Variants in CREB1 observed in about 807,000 individuals in gnomAD.
CREB1 encodes cyclic AMP-responsive element-binding protein 1.
CREB1 carries 2 observed loss-of-function variants against 42.0 expected under a neutral mutation model. That is an observed-to-expected ratio of 0.05 (90% CI 0.02 to 0.15). CREB1 has a LOEUF of 0.15. Ranked by LOEUF, CREB1 falls within the 10% of genes least tolerant of loss-of-function variation. The pLI, the probability that CREB1 is intolerant of heterozygous loss-of-function variation, is 1.00. For synonymous variants in CREB1, 123 were observed against 139.9 expected (o/e 0.88, Z 0.85); for missense variants, 199 against 388.9 (o/e 0.51, Z 4.11).
rs2087820182 is a variant in CREB1, at chr2:207,604,858, T to C, written c.*7800T>C. 6.6e-6 allele frequency among the ~76,000 whole-genome samples: 1 copy of C among 152,244 alleles called. No individual in the cohort carries two copies. The highest frequency in any genetic ancestry group is 1.5e-5 in the Non-Finnish European group (1 of 68,038). On this transcript the variant is annotated 3_prime_UTR_variant, in exon 8 of 8. Coordinates refer to ENST00000353267, the MANE Select transcript of CREB1 (RefSeq NM_004379.5). ...GTGTATTACTTCTTTCGTCTAGCTT[T>C]AATGTGTTGTTGAGGTTGATCCATT...
chr2:207,563,835 T>G (rs2082041735), intron 3 of CREB1, among the ~76,000 whole-genome samples: 1 of 152,032 alleles, frequency 6.6e-6, no homozygotes, highest in African/African-American at 2.4e-5. Context: ...TCCCAGCTAC[T>G]CGGGAGGCTA....
intron 1 of CREB1, among the ~76,000 whole-genome samples, chr2:207,546,384 A>G (rs2081302419): frequency 6.6e-6 from 1 of 152,184 alleles, no homozygotes; most frequent in South Asian, 2.1e-4. Context: ...TTACGCATTT[A>G]TCTGTAGAAT....
intron 7 of CREB1, among the ~76,000 whole-genome samples, chr2:207,590,208 A>C (rs2106636644): frequency 6.7e-6 from 1 of 149,870 alleles, no homozygotes; most frequent in Middle Eastern, 3.5e-3. Flanking sequence ...CAAATTCATG[A>C]CCATAGAGTT....
intron 4 of CREB1, 73 bp from the exon 5 acceptor site, chr2:207,570,106 C>A (rs2082302123): frequency 3.1e-6 from 3 of 957,232 alleles, no homozygotes; most frequent in South Asian, 1.8e-5. Flanking sequence ...GTTTTCTCAT[C>A]TTTAACTATA....
chr2:207,553,666 A>G (rs1008838344), intron 1 of CREB1, among the ~76,000 whole-genome samples: 5 of 152,170 alleles, frequency 3.3e-5, no homozygotes, highest in Non-Finnish European at 5.9e-5. Context: ...TTGGCTTATT[A>G]AAGTGTTATA....
At chr2:207,578,247 A>G (rs987027677) in intron 7 of CREB1, among the ~76,000 whole-genome samples, 4 of 152,214 alleles carry the variant, frequency 2.6e-5, no homozygotes, top group African/African-American at 7.2e-5. Flanking sequence ...TGGTAAAGCA[A>G]TTCTCAGAAA....
At chr2:207,548,884 A>G (rs1170826502) in intron 1 of CREB1, among the ~76,000 whole-genome samples, 1 of 152,224 alleles carries the variant, frequency 6.6e-6, no homozygotes, top group Non-Finnish European at 1.5e-5. Flanking sequence ...CAAATTTTCA[A>G]GCTTGCTTTT....
chr2:207,583,350 TC>T (rs1165862671), intron 7 of CREB1, among the ~76,000 whole-genome samples: 7 of 152,188 alleles, frequency 4.6e-5, no homozygotes, highest in Non-Finnish European at 5.9e-5. Context: ...ATTTTAGACT[TC>T]TCTTTGCCTG....
intron 1 of CREB1, among the ~76,000 whole-genome samples, chr2:207,553,062 C>CTTTT (rs10561230): frequency 3.2e-5 from 2 of 63,208 alleles, no homozygotes; most frequent in African/African-American, 1.2e-4. Context: ...TACAGGTAGA[C>CTTTT]TTTTTTTTTT....
At chr2:207,592,695 C>T (rs898179110) in intron 7 of CREB1, among the ~76,000 whole-genome samples, 2 of 151,758 alleles carry the variant, frequency 1.3e-5, no homozygotes, top group Admixed American at 6.6e-5. Flanking sequence ...CCAAGGCAGG[C>T]GGATCACGAG....
Position 207,532,634 on chromosome 2 carries a change from C to G in CREB1, c.-9+2500C>G, listed in dbSNP as rs933970306. ...ATTGCAGTGAGCCGAGATCGCGCCA[C>G]TGCCCTCCAGCCTGGTGACAGCGAG... On this transcript the variant is annotated intron_variant, in intron 1 of 7. Coordinates refer to ENST00000353267, the MANE Select transcript of CREB1 (RefSeq NM_004379.5). Among the ~76,000 whole-genome samples the G allele has an allele frequency of 1.1e-4, 16 of 151,744 alleles. No individual in the cohort carries two copies. In the South Asian group the frequency reaches 3.3e-3, roughly 32 times the overall value.
intron 1 of CREB1, among the ~76,000 whole-genome samples, chr2:207,551,540 A>T (rs1392962273): frequency 6.6e-6 from 1 of 152,184 alleles, no homozygotes; most frequent in Non-Finnish European, 1.5e-5. Flanking sequence ...CTCAGGTTGT[A>T]TTACAGTCTC....
At chr2:207,558,701 A>G (rs577070829) in intron 2 of CREB1, among the ~76,000 whole-genome samples, 5 of 150,328 alleles carry the variant, frequency 3.3e-5, no homozygotes, top group Admixed American at 6.6e-5. Flanking sequence ...CTGGAGTGCA[A>G]TGGCGCGATC....
chr2:207,574,119 ACTT>A (rs768224390), intron 5 of CREB1, among the ~76,000 whole-genome samples: 12 of 152,212 alleles, frequency 7.9e-5, no homozygotes, highest in Non-Finnish European at 1.3e-4. Flanking sequence ...AACTCTTCTT[ACTT>A]CTTGATGAGG....
intron 2 of CREB1, among the ~76,000 whole-genome samples, chr2:207,558,387 A>G (rs2081817595): frequency 1.3e-5 from 2 of 152,158 alleles, no homozygotes; most frequent in African/African-American, 4.8e-5. Flanking sequence ...ACAGTCTGCC[A>G]ATTCTCTTTC....
intron 7 of CREB1, among the ~76,000 whole-genome samples, chr2:207,596,412 CTTGT>C (rs1364575482): frequency 2.6e-5 from 4 of 152,094 alleles, no homozygotes; most frequent in African/African-American, 4.8e-5. Flanking sequence ...TCATTTAGGT[CTTGT>C]TTGTTTATGG....
chr2:207,538,792 G>A (rs2080978063), intron 1 of CREB1, among the ~76,000 whole-genome samples: 1 of 152,182 alleles, frequency 6.6e-6, no homozygotes, highest in Non-Finnish European at 1.5e-5. Flanking sequence ...CTGAAATGAA[G>A]ACGTTTCTTT....
At chr2:207,577,762 T>C in intron 7 of CREB1, 107 bp downstream of exon 7, 1 of 1,413,298 alleles carries the variant, frequency 7.1e-7, no homozygotes, top group South Asian at 1.2e-5. Context: ...GCATTGAATT[T>C]TTTTTTTCCA....
chr2:207,604,332 C>T lies in CREB1; in HGVS notation c.*7274C>T, dbSNP rs1400277279. ...CAGGTTGCAAAACACAGGCCCAAGA[C>T]AAACTTAACTTCTCCCCCAAATCTT... On this transcript the variant is annotated 3_prime_UTR_variant, in exon 8 of 8. Coordinates refer to ENST00000353267, the MANE Select transcript of CREB1 (RefSeq NM_004379.5). Among the ~76,000 whole-genome samples, 1 of 152,212 alleles carries T rather than the reference C, an allele frequency of 6.6e-6. No individual in the cohort carries two copies. The highest frequency in any genetic ancestry group is 6.5e-5 in the Admixed American group (1 of 15,274).
Sources: gnomAD v4.1 joint callset for allele counts (sites outside exome capture counted in the v4.1 genomes callset) on GRCh38, gnomAD v4.1.1 for gene constraint, MANE v1.5 for transcripts, NCBI Gene and HGNC (gene_info 2026-07-23, HGNC 2026-07-21) for gene names.